The following RBMS3 variants were observed in gnomAD, a reference collection of about 807,000 sequenced individuals.
The protein encoded by RBMS3 is RNA binding motif single stranded interacting protein 3.
A neutral mutation model predicts 66.8 loss-of-function variants in RBMS3; 27 were observed. That is an observed-to-expected ratio of 0.40 (90% CI 0.30 to 0.56). The LOEUF (loss-of-function observed/expected upper bound fraction) is 0.56, where lower values mean the gene tolerates loss of function less well. Among genes scored for constraint, RBMS3 ranks in the 20% least tolerant of loss-of-function variants. RBMS3 has a pLI of 0.40. For synonymous variants in RBMS3, 188 were observed against 183.0 expected (o/e 1.03, Z -0.22); for missense variants, 513 against 549.5 (o/e 0.93, Z 0.66).
chr3:29,574,566 A>G (rs991431731), intron 3 of RBMS3, among the ~76,000 whole-genome samples: 2 of 152,024 alleles, frequency 1.3e-5, no homozygotes, highest in Non-Finnish European at 2.9e-5. Context: ...CAATGTTATT[A>G]TTGATAGGCA....
intron 3 of RBMS3, among the ~76,000 whole-genome samples, chr3:29,585,071 T>G (rs1430872439): frequency 6.6e-6 from 1 of 152,152 alleles, no homozygotes; most frequent in East Asian, 1.9e-4. Context: ...ACTCAACTAT[T>G]AGTTGCATGC....
At chr3:29,716,185 T>C (rs1471813771) in intron 4 of RBMS3, among the ~76,000 whole-genome samples, 1 of 152,122 alleles carries the variant, frequency 6.6e-6, no homozygotes, top group African/African-American at 2.4e-5. Context: ...ACACATTAAA[T>C]TTGTAATTCC....
At chr3:29,698,466 G>A in intron 4 of RBMS3, 1 of 985,366 alleles carries the variant, frequency 1.0e-6, no homozygotes, top group Non-Finnish European at 1.2e-6. Context: ...GTCTTTGGAG[G>A]AATCTTGACT....
chr3:29,361,265 T>G (rs1342352137), intron 1 of RBMS3, among the ~76,000 whole-genome samples: 1 of 152,060 alleles, frequency 6.6e-6, no homozygotes, highest in Admixed American at 6.5e-5. Context: ...TCTCTCAGCA[T>G]TTGCTTGTCT....
At chr3:29,627,048 A>T (rs1248940874) in intron 4 of RBMS3, among the ~76,000 whole-genome samples, 1 of 152,168 alleles carries the variant, frequency 6.6e-6, no homozygotes. Context: ...CTTATCTGAA[A>T]AATAGTAATA....
intron 4 of RBMS3, among the ~76,000 whole-genome samples, chr3:29,710,810 C>G (rs928229568): frequency 6.6e-6 from 1 of 152,106 alleles, no homozygotes; most frequent in African/African-American, 2.4e-5. Context: ...CTTTGCATAT[C>G]TTTTTATTAC....
At chr3:29,803,941 ATTC>A (rs2057464829) in intron 6 of RBMS3, among the ~76,000 whole-genome samples, 1 of 152,038 alleles carries the variant, frequency 6.6e-6, no homozygotes, top group Admixed American at 6.6e-5. Flanking sequence ...AGGCTATTTC[ATTC>A]TTCTATCTGT....
At chr3:29,630,052 G>A (rs2049228042) in intron 4 of RBMS3, among the ~76,000 whole-genome samples, 1 of 151,960 alleles carries the variant, frequency 6.6e-6, no homozygotes. Context: ...CCTAGAAGGT[G>A]GCTGAAACTT....
intron 10 of RBMS3, chr3:29,924,723 T>C (rs2060886064): frequency 6.6e-6 from 1 of 152,506 alleles, no homozygotes; most frequent in Non-Finnish European, 1.5e-5. Flanking sequence ...TAATCCCAGC[T>C]ACTCAAGAGG....
intron 1 of RBMS3, among the ~76,000 whole-genome samples, chr3:29,404,464 C>G (rs1455013945): frequency 6.6e-6 from 1 of 152,066 alleles, no homozygotes; most frequent in Non-Finnish European, 1.5e-5. Flanking sequence ...TCTAAATGCT[C>G]TTTGTTAGGT....
intron 1 of RBMS3, among the ~76,000 whole-genome samples, chr3:29,292,052 C>T (rs2032858493): frequency 6.6e-6 from 1 of 151,684 alleles, no homozygotes; most frequent in Non-Finnish European, 1.5e-5. Context: ...ACACCATCCC[C>T]CAATGCTGGA....
chr3:29,866,664 G>A (rs1035069565), intron 6 of RBMS3, among the ~76,000 whole-genome samples: 1 of 152,312 alleles, frequency 6.6e-6, no homozygotes, highest in Non-Finnish European at 1.5e-5. Flanking sequence ...AGAATATTGG[G>A]ATGCAATGAT....
intron 3 of RBMS3, among the ~76,000 whole-genome samples, chr3:29,498,068 C>G (rs1231691038): frequency 2.4e-5 from 3 of 124,930 alleles, no homozygotes; most frequent in Non-Finnish European, 4.8e-5. Context: ...GATCTCAGTT[C>G]ACCGCAACCT....
At chr3:29,421,530 C>T (rs185735531) in intron 1 of RBMS3, among the ~76,000 whole-genome samples, 56 of 152,118 alleles carry the variant, frequency 3.7e-4, no homozygotes, top group Admixed American at 3.3e-3. Flanking sequence ...TGTTATTTAA[C>T]GTATAAGTTT....
chr3:29,285,668 G>A (rs1407742528), intron 1 of RBMS3, among the ~76,000 whole-genome samples: 1 of 152,146 alleles, frequency 6.6e-6, no homozygotes, highest in African/African-American at 2.4e-5. Context: ...GTATGAAGAA[G>A]GGGCCAGGTG....
At chr3:29,939,724 C>G (rs1490412597) in intron 11 of RBMS3, among the ~76,000 whole-genome samples, 1 of 151,822 alleles carries the variant, frequency 6.6e-6, no homozygotes, top group South Asian at 2.1e-4. Flanking sequence ...TTTTAACATA[C>G]TTATGCCACA....
At chr3:29,636,591 A>T (rs901001476) in intron 4 of RBMS3, among the ~76,000 whole-genome samples, 4 of 151,928 alleles carry the variant, frequency 2.6e-5, no homozygotes, top group African/African-American at 4.8e-5. Context: ...TCCCCTTGGA[A>T]ATGAAATTTA....
intron 6 of RBMS3, among the ~76,000 whole-genome samples, chr3:29,802,659 A>G (rs2057426504): frequency 1.3e-5 from 2 of 152,218 alleles, no homozygotes; most frequent in Non-Finnish European, 1.5e-5. Context: ...TATTTATAAC[A>G]TGCTACTTAT....
At chr3:29,572,101 T>C (rs755865485) in intron 3 of RBMS3, among the ~76,000 whole-genome samples, 1 of 152,158 alleles carries the variant, frequency 6.6e-6, no homozygotes, top group South Asian at 2.1e-4. Context: ...ATAGAAATGC[T>C]ACTAATTTTC....
Sources: allele counts gnomAD v4.1 joint callset (sites outside exome capture counted in the v4.1 genomes callset), GRCh38; gene constraint gnomAD v4.1.1; transcripts MANE v1.5; gene names NCBI Gene and HGNC (gene_info 2026-07-23, HGNC 2026-07-21).